NEXMIF: variants seen among roughly 807,000 people sequenced by gnomAD.
The protein encoded by NEXMIF is neurite extension and migration factor.
NEXMIF carries 8 observed loss-of-function variants against 62.1 expected under a neutral mutation model. That is an observed-to-expected ratio of 0.13 (90% CI 0.08 to 0.23). The LOEUF (loss-of-function observed/expected upper bound fraction) is 0.23, where lower values mean the gene tolerates loss of function less well. NEXMIF is among the 10% of genes least tolerant of loss of function. The pLI is 1.00. For synonymous variants in NEXMIF, 404 were observed against 416.6 expected, an observed-to-expected ratio of 0.97 and a Z score of 0.37; for missense variants, 976 against 1,113.3, an observed-to-expected ratio of 0.88 and a Z score of 1.75.
intron 1 of NEXMIF, among the ~76,000 whole-genome samples, chrX:74,825,299 T>C (rs2080411756): frequency 9.0e-6 from 1 of 111,485 alleles, no homozygotes; most frequent in Admixed American, 9.5e-5. Context: ...ACTCGTGTCA[T>C]GGGGTTGCGT....
At chrX:74,884,893 G>T (rs916223319) in intron 1 of NEXMIF, among the ~76,000 whole-genome samples, 2 of 111,418 alleles carry the variant, frequency 1.8e-5, no homozygotes, top group Non-Finnish European at 3.8e-5. Flanking sequence ...CACATTCTTG[G>T]AAGTAAAGCA....
At chrX:74,888,202 A>G (rs1236485418) in intron 1 of NEXMIF, among the ~76,000 whole-genome samples, 1 of 109,088 alleles carries the variant, frequency 9.2e-6, no homozygotes, top group Non-Finnish European at 1.9e-5. Context: ...TGAGGATTTA[A>G]TGGGTGCAGC....
intron 1 of NEXMIF, among the ~76,000 whole-genome samples, chrX:74,764,068 C>T (rs4892526): frequency 3.0e-4 from 33 of 110,735 alleles, no homozygotes; most frequent in Non-Finnish European, 9.4e-5. Flanking sequence ...GAATGCTTCC[C>T]GTTTTTGCCC....
At chrX:74,924,296 A>G (rs759437645) in intron 1 of NEXMIF, among the ~76,000 whole-genome samples, 2 of 111,523 alleles carry the variant, frequency 1.8e-5, no homozygotes, top group Non-Finnish European at 1.9e-5. Context: ...CCACAAGCCA[A>G]TTTCCGCAAA....
chrX:74,760,223 T>C (rs772847128), intron 1 of NEXMIF, among the ~76,000 whole-genome samples: 1 of 112,200 alleles, frequency 8.9e-6, no homozygotes, highest in South Asian at 3.7e-4. Context: ...ATGCTAGTGA[T>C]TTTTGTACAT....
chrX:74,881,343 T>C (rs972347338), intron 1 of NEXMIF, among the ~76,000 whole-genome samples: 2 of 107,214 alleles, frequency 1.9e-5, no homozygotes, highest in African/African-American at 6.9e-5. Flanking sequence ...AGGGCTTTCC[T>C]ACATTTACTT....
At chrX:74,807,327 G>C (rs2080347918) in intron 1 of NEXMIF, among the ~76,000 whole-genome samples, 1 of 110,543 alleles carries the variant, frequency 9.0e-6, no homozygotes, top group Non-Finnish European at 1.9e-5. Flanking sequence ...TTTTTCTTTT[G>C]TTTTGGTTTT....
intron 1 of NEXMIF, among the ~76,000 whole-genome samples, chrX:74,895,080 T>C (rs2080728839): frequency 8.9e-6 from 1 of 112,250 alleles, no homozygotes; most frequent in Non-Finnish European, 1.9e-5. Context: ...GAAAAACCAA[T>C]AGAAAACTGT....
chrX:74,776,964 A>C (rs2080230544), intron 1 of NEXMIF, among the ~76,000 whole-genome samples: 1 of 111,010 alleles, frequency 9.0e-6, no homozygotes, highest in Non-Finnish European at 1.9e-5. Context: ...TAAATTCTAC[A>C]CATTAGCGAC....
At chrX:74,881,392 GCA>G (rs367805528) in intron 1 of NEXMIF, among the ~76,000 whole-genome samples, 192 of 88,542 alleles carry the variant, frequency 2.2e-3, no homozygotes, top group Non-Finnish European at 2.8e-3. Context: ...ACATACACAT[GCA>G]CACACACACA....
intron 1 of NEXMIF, among the ~76,000 whole-genome samples, chrX:74,841,785 T>G (rs1043563027): frequency 5.3e-5 from 6 of 112,332 alleles, no homozygotes; most frequent in African/African-American, 1.6e-4. Flanking sequence ...TCACATTTTT[T>G]TGATTTGCTT....
chrX:74,905,532 G>A lies in NEXMIF; in HGVS notation c.-48+19351C>T, dbSNP rs143695855. On this transcript the variant is annotated intron_variant, in intron 1 of 3. Transcript: ENST00000055682. ...ATTATTCAAAATAAAGACAAACGTCGGGCACAGTGGCTCACACCTGTAATC... is the reference window on the plus strand; with the variant it reads ...ATTATTCAAAATAAAGACAAACGTCAGGCACAGTGGCTCACACCTGTAATC... 4.5e-3 allele frequency among the ~76,000 whole-genome samples: 508 copies of A among 112,003 alleles called. 1 individual carries two copies. The highest frequency in any genetic ancestry group is 0.015 in the African/African-American group (460 of 30,864).
chrX:74,919,237 A>C (rs905082699), intron 1 of NEXMIF, among the ~76,000 whole-genome samples: 1 of 112,048 alleles, frequency 8.9e-6, no homozygotes, highest in African/African-American at 3.2e-5. Context: ...ACAGGCATTT[A>C]GGAGAGATGC....
intron 1 of NEXMIF, among the ~76,000 whole-genome samples, chrX:74,814,119 T>C (rs905346726): frequency 9.0e-6 from 1 of 111,533 alleles, no homozygotes; most frequent in Non-Finnish European, 1.9e-5. Context: ...ACTGCCAGGA[T>C]ATTGACATGA....
chrX:74,873,989 TG>T lies in NEXMIF; in HGVS notation c.-48+50893del, dbSNP rs762804287. On this transcript the variant is annotated intron_variant, in intron 1 of 3. Transcript: ENST00000055682. Reference sequence around the variant, plus strand: ...TTTCTTTTGCTGTGCAGAAGCTCTTTGGTTGAATTAGATCCCATTTGTCAAT... The same window carrying T: ...TTTCTTTTGCTGTGCAGAAGCTCTTTGTTGAATTAGATCCCATTTGTCAAT... 3.1e-3 allele frequency among the ~76,000 whole-genome samples: 351 copies of T among 111,774 alleles called. 2 individuals are homozygous for T. The highest frequency in any genetic ancestry group is 0.011 in the African/African-American group (335 of 30,761).
At chrX:74,862,397 T>A (rs1284447442) in intron 1 of NEXMIF, among the ~76,000 whole-genome samples, 2 of 109,634 alleles carry the variant, frequency 1.8e-5, no homozygotes, top group Non-Finnish European at 3.8e-5. Context: ...AGTGGGAGAC[T>A]TTAACACCCC....
intron 1 of NEXMIF, among the ~76,000 whole-genome samples, chrX:74,767,165 C>T (rs1436441847): frequency 8.9e-6 from 1 of 112,294 alleles, no homozygotes; most frequent in African/African-American, 3.2e-5. Context: ...GCTTGATAGG[C>T]CCAGCAGAGG....
chrX:74,890,801 T>C (rs73502805), intron 1 of NEXMIF, among the ~76,000 whole-genome samples: 2 of 110,523 alleles, frequency 1.8e-5, no homozygotes, highest in Non-Finnish European at 3.8e-5. Flanking sequence ...CAGTCATCAT[T>C]TGAAACTTTG....
chrX:74,885,179 C>A (rs2080685947), intron 1 of NEXMIF, among the ~76,000 whole-genome samples: 1 of 110,252 alleles, frequency 9.1e-6, no homozygotes, highest in Admixed American at 9.7e-5. Context: ...CACTAAATGC[C>A]CACAAGAGAA....
Sources: gnomAD v4.1 joint callset for allele counts (sites outside exome capture counted in the v4.1 genomes callset) on GRCh38, gnomAD v4.1.1 for gene constraint, MANE v1.5 for transcripts, NCBI Gene and HGNC (gene_info 2026-07-23, HGNC 2026-07-21) for gene names.